Variants in POLR1A observed in about 807,000 individuals in gnomAD.
The protein encoded by POLR1A is DNA-directed RNA polymerase I subunit RPA1.
POLR1A carries 84 observed loss-of-function variants against 205.3 expected under a neutral mutation model. The ratio of observed to expected loss-of-function variants is 0.41; its 90% CI spans 0.34 to 0.49. The LOEUF (loss-of-function observed/expected upper bound fraction) is 0.49, where lower values mean the gene tolerates loss of function less well. Ranked by LOEUF, POLR1A falls within the 20% of genes least tolerant of loss-of-function variation. POLR1A has a pLI of 0.22. For synonymous variants in POLR1A, 799 were observed against 863.7 expected (o/e 0.93, Z 1.31); for missense variants, 1,645 against 2,204.5 (o/e 0.75, Z 5.08).
At chr2:86,082,722 G>C (rs1485992707) in intron 7 of POLR1A, among the ~76,000 whole-genome samples, 1 of 152,176 alleles carries the variant, frequency 6.6e-6, no homozygotes, top group African/African-American at 2.4e-5. Context: ...ATTTAAATAA[G>C]ACAGAGTTCA....
intron 9 of POLR1A, among the ~76,000 whole-genome samples, chr2:86,080,588 G>A (rs923579433): frequency 1.5e-4 from 23 of 152,280 alleles, no homozygotes; most frequent in African/African-American, 4.3e-4. Context: ...TGGCATGGTC[G>A]TTCGGTGTAG....
chr2:86,025,667 T>G lies in POLR1A; in HGVS notation c.*1756A>C, dbSNP rs1271916138. The G allele has an allele frequency of 6.6e-6, 1 of 152,310 alleles. No individual in the cohort carries two copies. The highest frequency in any genetic ancestry group is 1.5e-5 in the Non-Finnish European group (1 of 68,080). 9.4% of individuals were successfully genotyped at this position (152,310 alleles called of 1,614,324 possible). The stretch of plus-strand genomic sequence containing the variant: ...GGCTTGCTCCTTCGCCTCTGCGCCC[T>G]CAGTGCCTGGGAGAGATGGAATCCA... On this transcript the variant is annotated 3_prime_UTR_variant, in exon 34 of 34. Transcript: ENST00000263857.
At chr2:86,042,584 C>T (rs1455153562) in intron 23 of POLR1A, among the ~76,000 whole-genome samples, 1 of 152,180 alleles carries the variant, frequency 6.6e-6, no homozygotes, top group Admixed American at 6.5e-5. Flanking sequence ...TGATGGGAGG[C>T]ACCAGCAGCA....
chr2:86,099,870 T>C, intron 2 of POLR1A, 98 bp downstream of exon 2: 1 of 958,168 alleles, frequency 1.0e-6, no homozygotes. Flanking sequence ...TTGGAGTGCC[T>C]GGGGCTTAAC....
chr2:86,031,320 C>A lies in POLR1A; in HGVS notation c.4578+10G>T. 2.0e-6 allele frequency: 3 copies of A among 1,536,936 alleles called. No homozygotes were observed. Among genetic ancestry groups the A allele is most frequent in the Non-Finnish European group, 2.6e-6 (3 of 1,140,044 alleles). ...ACCACCCAAGCCCTGGCCTGCACGG[C>A]CACACTGACCTGGCACCACAGGCTC... is the stretch of plus-strand genomic sequence containing the variant. On this transcript the variant is annotated intron_variant, in intron 30 of 33. Transcript: ENST00000263857.
chr2:86,028,686 G>C lies in POLR1A; in HGVS notation c.4805C>G (p.Ser1602Cys). The C allele has an allele frequency of 6.2e-7, 1 of 1,614,154 alleles. No homozygotes were observed. Among genetic ancestry groups the C allele is most frequent in the Non-Finnish European group, 8.5e-7 (1 of 1,179,972 alleles). The change falls in exon 32 of 34, where the codon TCC (serine) becomes TGC (cysteine). Residue 1602 changes from serine (S) to cysteine (C), a missense_variant. Coordinates refer to ENST00000263857, the MANE Select transcript of POLR1A (RefSeq NM_015425.6). The surrounding 1 kb of genome is among the most constrained non-coding windows in gnomAD (Gnocchi z 4.5). ...GTTGGCTATGGCGTGGATGTCGTTG[G>C]AGTAGAGGCGGCGCAGATCCAGGAC... The part of the protein sequence containing the change: ...AEVLDLRRLY[S>C]NDIHAIANTY...
chr2:86,087,668 G>A (rs1673526672), intron 6 of POLR1A, among the ~76,000 whole-genome samples: 1 of 152,168 alleles, frequency 6.6e-6, no homozygotes, highest in Non-Finnish European at 1.5e-5. Context: ...CTAGCCTCCT[G>A]AGTAGCTGAG....
chr2:86,033,976 C>T (rs935232250), intron 27 of POLR1A, among the ~76,000 whole-genome samples, 189 bp from the exon 28 acceptor site: 4 of 152,306 alleles, frequency 2.6e-5, no homozygotes, highest in Middle Eastern at 3.4e-3. Context: ...TCAGGAACAC[C>T]GGTTCCACAG....
chr2:86,062,301 G>A (rs1055752294), intron 14 of POLR1A, among the ~76,000 whole-genome samples: 1 of 152,132 alleles, frequency 6.6e-6, no homozygotes, highest in African/African-American at 2.4e-5. Context: ...AGCAAAACCT[G>A]GGCCTATTTC....
intron 22 of POLR1A, among the ~76,000 whole-genome samples, chr2:86,043,843 C>T (rs13024123): frequency 0.38 from 57,303 of 151,948 alleles, 13,508 homozygotes; most frequent in Non-Finnish European, 0.54. Flanking sequence ...AGGAGGAAAA[C>T]GGATAGTATT....
chr2:86,085,113 C>G (rs1000043245), intron 6 of POLR1A, among the ~76,000 whole-genome samples: 20 of 152,160 alleles, frequency 1.3e-4, no homozygotes, highest in African/African-American at 4.3e-4. Flanking sequence ...AGGCATCCAC[C>G]ACCACGCCCA....
At chr2:86,043,798 C>T (rs2278532) in intron 22 of POLR1A, among the ~76,000 whole-genome samples, 23 of 152,260 alleles carry the variant, frequency 1.5e-4, no homozygotes, top group Non-Finnish European at 2.5e-4. Flanking sequence ...GCTGCAAAAT[C>T]GGCAGAGTAA....
intron 24 of POLR1A, among the ~76,000 whole-genome samples, chr2:86,041,127 C>T (rs887593109): frequency 6.6e-6 from 1 of 150,530 alleles, no homozygotes; most frequent in African/African-American, 2.5e-5. Context: ...TTAAGAACAG[C>T]CACTAGGAGC....
Position 86,054,206 on chromosome 2 carries a change from T to C in POLR1A, c.2142A>G (p.Lys714=), listed in dbSNP as rs981654316. Residue 714 remains lysine, a synonymous_variant, in exon 15 of 34, where the codon AAA becomes AAG. Transcript: ENST00000263857. The part of the protein sequence containing the change: ...NLSGKAKITG[K]AWVKETPRSV... ...ATCGAGGAGTTTCCTTCACCCAGGC[T>C]TTCCCAGTGATTTTCGCCTTTCCAG... is the stretch of plus-strand genomic sequence containing the variant. 1 of 1,614,014 alleles carries C rather than the reference T, an allele frequency of 6.2e-7. No homozygotes were observed. The highest frequency in any genetic ancestry group is 8.5e-7 in the Non-Finnish European group (1 of 1,179,872).
chr2:86,065,322 G>C lies in POLR1A; in HGVS notation c.2010C>G (p.Leu670=). 1.2e-6 allele frequency: 2 copies of C among 1,614,106 alleles called. No homozygotes were observed. The highest frequency in any genetic ancestry group is 2.2e-5 in the South Asian group (2 of 91,076). ...AGGGCTTCAGGATGGAAGGAGAAAGGAGCTTCACGCGCCCCACTTTGTCCG... is the reference window on the plus strand; with the variant it reads ...AGGGCTTCAGGATGGAAGGAGAAAGCAGCTTCACGCGCCCCACTTTGTCCG... The part of the protein sequence containing the change: ...GLTDKVGRVK[L]LSPSILKPFP... Residue 670 remains leucine (L), a synonymous_variant, in exon 14 of 34, where the codon CTC becomes CTG. Transcript: ENST00000263857.
chr2:86,038,305 T>C (rs1672535379), intron 27 of POLR1A, among the ~76,000 whole-genome samples: 2 of 152,256 alleles, frequency 1.3e-5, no homozygotes, highest in Admixed American at 6.5e-5. Flanking sequence ...CACATTATAC[T>C]GCCTGCAGTA....
intron 1 of POLR1A, among the ~76,000 whole-genome samples, chr2:86,102,220 C>T (rs1024011761): frequency 6.6e-6 from 1 of 152,196 alleles, no homozygotes; most frequent in South Asian, 2.1e-4. Context: ...CTACTGTTTT[C>T]CATAGTGGTT....
Position 86,031,476 on chromosome 2 carries a change from C to T in POLR1A, c.4432G>A (p.Ala1478Thr), listed in dbSNP as rs764220762. The change falls in exon 30 of 34, where the codon GCC (alanine) becomes ACC (threonine). Residue 1478 changes from alanine to threonine, a missense_variant. This residue lies in a region of POLR1A where 394 missense variants were observed against 468.5 expected (regional missense o/e 0.84). Coordinates refer to ENST00000263857, the MANE Select transcript of POLR1A (RefSeq NM_015425.6). ...LGTEEDPSLP[A>T]LLTQPRKPTH... is the part of the protein sequence containing the mutation. The stretch of plus-strand genomic sequence containing the variant: ...GGTTTCCGGGGCTGCGTCAGGAGGG[C>T]GGGAAGGGACGGGTCCTCCTCAGTG... 16 of 1,613,964 alleles carry T rather than the reference C, an allele frequency of 9.9e-6. No homozygotes were observed. Among genetic ancestry groups the T allele is most frequent in the East Asian group, 2.2e-5 (1 of 44,876 alleles).
chr2:86,045,080 T>C (rs1049703996), intron 21 of POLR1A, among the ~76,000 whole-genome samples, 198 bp downstream of exon 21: 1 of 152,230 alleles, frequency 6.6e-6, no homozygotes, highest in Non-Finnish European at 1.5e-5. Flanking sequence ...GCCCTTGGTA[T>C]AAGCCTCTGA....
Sources: gnomAD v4.1 joint callset for allele counts (sites outside exome capture counted in the v4.1 genomes callset) on GRCh38, gnomAD v4.1.1 for gene constraint, gnomAD v4.1.1 regional missense constraint, Gnocchi (gnomAD v3.1) non-coding constraint, MANE v1.5 for transcripts, NCBI Gene and HGNC (gene_info 2026-07-23, HGNC 2026-07-21) for gene names.